The following PARD3B variants were observed in gnomAD, a reference collection of about 807,000 sequenced individuals.
PARD3B encodes the protein par-3 family cell polarity regulator beta.
PARD3B carries 103 observed loss-of-function variants against 130.2 expected under a neutral mutation model. That is an observed-to-expected ratio of 0.79 (90% CI 0.67 to 0.93). The LOEUF is 0.93. PARD3B is among the 40% of genes least tolerant of loss of function. The pLI, the probability that PARD3B is intolerant of heterozygous loss-of-function variation, is 0.00. For synonymous variants in PARD3B, 583 were observed against 553.2 expected (o/e 1.05, Z -0.76); for missense variants, 1,609 against 1,499.2 (o/e 1.07, Z -1.21).
intron 20 of PARD3B, among the ~76,000 whole-genome samples, chr2:205,442,943 A>G (rs2047773191): frequency 6.6e-6 from 1 of 152,196 alleles, no homozygotes; most frequent in Admixed American, 6.5e-5. Flanking sequence ...TGCTTTCAAT[A>G]GAGTTTTCAC....
chr2:205,273,612 G>T (rs1311292576), intron 16 of PARD3B, among the ~76,000 whole-genome samples: 1 of 152,126 alleles, frequency 6.6e-6, no homozygotes, highest in Non-Finnish European at 1.5e-5. Flanking sequence ...ATGGATTTGC[G>T]TAAGAGTTCA....
chr2:205,561,159 A>G (rs1276798878), intron 22 of PARD3B, among the ~76,000 whole-genome samples: 5 of 152,106 alleles, frequency 3.3e-5, no homozygotes, highest in Admixed American at 3.3e-4. Flanking sequence ...CTCACTTCTT[A>G]AAGATGCTCT....
chr2:205,006,087 T>G (rs534127933), intron 3 of PARD3B, among the ~76,000 whole-genome samples: 1 of 152,340 alleles, frequency 6.6e-6, no homozygotes, highest in Admixed American at 6.5e-5. Context: ...CCTGAGTTAC[T>G]TCACTTAGAA....
chr2:204,828,235 C>G (rs186975148), intron 2 of PARD3B, among the ~76,000 whole-genome samples: 1 of 152,270 alleles, frequency 6.6e-6, no homozygotes, highest in Admixed American at 6.5e-5. Flanking sequence ...TTGAAATTTC[C>G]TCTTCTCTTG....
At chr2:205,044,027 A>G (rs902353152) in intron 3 of PARD3B, among the ~76,000 whole-genome samples, 20 of 148,248 alleles carry the variant, frequency 1.3e-4, no homozygotes, top group African/African-American at 3.7e-4. Flanking sequence ...TCATTGTTCA[A>G]TTCCCACCTA....
In PARD3B at chr2:205,321,283, A is replaced by G. The variant is rs2042743157; in HGVS notation, c.2630+19582A>G. 6.6e-6 allele frequency among the ~76,000 whole-genome samples: 1 copy of G among 152,154 alleles called. No homozygotes were observed. Among genetic ancestry groups the G allele is most frequent in the Non-Finnish European group, 1.5e-5 (1 of 68,004 alleles). On this transcript the variant is annotated intron_variant, in intron 18 of 22. Coordinates refer to ENST00000406610, the MANE Select transcript of PARD3B (RefSeq NM_001302769.2). The surrounding 1 kb of genome is among the most constrained non-coding windows in gnomAD (Gnocchi z 4.2). Reference sequence around the variant, plus strand: ...TATTCTTTGATTCATTTTCTTATTTATGTCTTTTTAACCTCAAAACTTAGA... The same window carrying G: ...TATTCTTTGATTCATTTTCTTATTTGTGTCTTTTTAACCTCAAAACTTAGA...
At chr2:205,190,133 A>T (rs976265311) in intron 14 of PARD3B, among the ~76,000 whole-genome samples, 10 of 152,196 alleles carry the variant, frequency 6.6e-5, no homozygotes, top group Non-Finnish European at 1.3e-4. Flanking sequence ...ATGTTACTGC[A>T]TCGAGTGTCA....
chr2:205,339,710 A>T (rs1453949312), intron 18 of PARD3B, among the ~76,000 whole-genome samples: 2 of 152,174 alleles, frequency 1.3e-5, no homozygotes, highest in Admixed American at 6.5e-5. Flanking sequence ...TGGACTTCCT[A>T]TCCTGCTGAC....
At chr2:205,381,758 A>G (rs1190395406) in intron 18 of PARD3B, among the ~76,000 whole-genome samples, 3 of 152,076 alleles carry the variant, frequency 2.0e-5, no homozygotes, top group Non-Finnish European at 4.4e-5. Context: ...GCTCAGAAAC[A>G]TGTAGACAAT....
intron 16 of PARD3B, among the ~76,000 whole-genome samples, chr2:205,278,403 G>C (rs112488167): frequency 2.8e-4 from 42 of 151,620 alleles, no homozygotes; most frequent in Admixed American, 7.9e-4. Context: ...GATAGGCTTG[G>C]GGGGGAGAGG....
At chr2:204,648,104 T>C (rs2035336060) in intron 1 of PARD3B, among the ~76,000 whole-genome samples, 1 of 151,696 alleles carries the variant, frequency 6.6e-6, no homozygotes. Context: ...ATTTTTGAGG[T>C]TATGCAAGTA....
intron 2 of PARD3B, among the ~76,000 whole-genome samples, chr2:204,722,715 C>T (rs945617054): frequency 6.6e-6 from 1 of 152,068 alleles, no homozygotes; most frequent in East Asian, 1.9e-4. Context: ...CCAAGACTTT[C>T]GTGAGTACTT....
At chr2:205,545,478 C>T (rs1186410551) in intron 21 of PARD3B, among the ~76,000 whole-genome samples, 2 of 152,140 alleles carry the variant, frequency 1.3e-5, no homozygotes, top group African/African-American at 4.8e-5. Context: ...CCTAAAATGG[C>T]ATCTAAATTT....
At chr2:204,570,639 G>A (rs1340373930) in intron 1 of PARD3B, among the ~76,000 whole-genome samples, 1 of 152,222 alleles carries the variant, frequency 6.6e-6, no homozygotes, top group African/African-American at 2.4e-5. Context: ...AGATTGACCA[G>A]GGGCAGAGTT....
chr2:205,307,699 GA>G (rs1280404872), intron 18 of PARD3B, among the ~76,000 whole-genome samples: 1 of 152,136 alleles, frequency 6.6e-6, no homozygotes. Flanking sequence ...GTCTAAAGTG[GA>G]AAACCCAGAG....
intron 2 of PARD3B, among the ~76,000 whole-genome samples, chr2:204,731,333 G>A (rs1165911182): frequency 2.6e-5 from 4 of 152,122 alleles, no homozygotes; most frequent in African/African-American, 9.7e-5. Flanking sequence ...AAGATTTACT[G>A]GCTGTTGAGT....
At chr2:205,261,503 A>C (rs2040310327) in intron 16 of PARD3B, among the ~76,000 whole-genome samples, 1 of 152,144 alleles carries the variant, frequency 6.6e-6, no homozygotes, top group African/African-American at 2.4e-5. Flanking sequence ...ATTTCACTGG[A>C]TCTCTTTTGA....
intron 1 of PARD3B, among the ~76,000 whole-genome samples, chr2:204,605,321 G>T (rs2033672651): frequency 6.6e-6 from 1 of 152,184 alleles, no homozygotes. Context: ...ACATTGCTAT[G>T]ACCATGTCAT....
intron 2 of PARD3B, among the ~76,000 whole-genome samples, chr2:204,753,602 G>A (rs2040551130): frequency 6.6e-6 from 1 of 152,130 alleles, no homozygotes; most frequent in Non-Finnish European, 1.5e-5. Context: ...CAGTAGCTAT[G>A]TGATTTTGAC....
Sources: allele counts gnomAD v4.1 joint callset (sites outside exome capture counted in the v4.1 genomes callset), GRCh38; gene constraint gnomAD v4.1.1; non-coding constraint Gnocchi (gnomAD v3.1); transcripts MANE v1.5; gene names NCBI Gene and HGNC (gene_info 2026-07-23, HGNC 2026-07-21).